The following ATG7 variants were observed in gnomAD, a reference collection of about 807,000 sequenced individuals.
ATG7 encodes autophagy related 7, also known as ubiquitin-like modifier-activating enzyme ATG7.
In ATG7, 70 loss-of-function variants were observed where a neutral mutation model predicts 82.4. The ratio of observed to expected loss-of-function variants is 0.85; its 90% CI spans 0.70 to 1.04. The LOEUF is 1.04. ATG7 is among the 50% of genes least tolerant of loss of function. The probability of loss-of-function intolerance (pLI) is 0.00; values close to 1 mark genes in which losing one functional copy is unlikely to be tolerated. For missense variants in ATG7, 792 were observed against 864.3 expected (o/e 0.92, Z 1.05); for synonymous variants, 287 against 313.0 (o/e 0.92, Z 0.88).
rs2077232662 is a variant in ATG7 at position 11,374,323 on chromosome 3, T to A, written c.1876-5649T>A. ...ACCCTTAATGGCCAACCAATACAGT[T>A]CAATTGGGAAAGAATGCCGTTTTCA... On this transcript the variant is annotated intron_variant, in intron 18 of 20. Coordinates refer to ENST00000693202, the MANE Select transcript of ATG7 (RefSeq NM_001349232.2). 1.3e-5 allele frequency among the ~76,000 whole-genome samples: 2 copies of A among 152,202 alleles called. 1 individual carries two copies. The highest frequency in any genetic ancestry group is 4.1e-4 in the South Asian group (2 of 4,832).
chr3:11,311,038 C>G (rs1310989502), intron 7 of ATG7, among the ~76,000 whole-genome samples: 13 of 152,154 alleles, frequency 8.5e-5, no homozygotes, highest in Non-Finnish European at 1.9e-4. Context: ...GTAGAACATG[C>G]TGACAGTTTG....
rs1343520513 is a variant in ATG7, at chr3:11,517,707, C to T, written c.2080-37104C>T. Among the ~76,000 whole-genome samples, 13 of 152,354 alleles carry T rather than the reference C, an allele frequency of 8.5e-5. No homozygotes were observed. In the South Asian group the frequency reaches 2.7e-3, roughly 32 times the overall value. ...GAGAATGAGGGAAGAACATTCCAAG[C>T]CACAGAAATGGCACATGGAAGAGAG... On this transcript the variant is annotated intron_variant, in intron 20 of 20. Coordinates refer to ENST00000693202, the MANE Select transcript of ATG7 (RefSeq NM_001349232.2).
intron 20 of ATG7, among the ~76,000 whole-genome samples, chr3:11,501,538 A>ATGAGATTGCAT: frequency 5.6e-5 from 1 of 17,786 alleles, no homozygotes; most frequent in African/African-American, 2.1e-4. Flanking sequence ...TTAATAGATA[A>ATGAGATTGCAT]TGATATTAAT....
chr3:11,445,916 A>G (rs1052607615), intron 20 of ATG7, among the ~76,000 whole-genome samples: 83 of 152,102 alleles, frequency 5.5e-4, no homozygotes, highest in African/African-American at 1.9e-3. Context: ...TCTTATGTAT[A>G]TTACTTATTT....
At chr3:11,305,816 C>T (rs1947627016) in intron 5 of ATG7, among the ~76,000 whole-genome samples, 1 of 152,170 alleles carries the variant, frequency 6.6e-6, no homozygotes, top group Non-Finnish European at 1.5e-5. Flanking sequence ...CATACCTGTT[C>T]TAGGTTTAGA....
chr3:11,303,501 C>G (rs1271605568), intron 5 of ATG7, among the ~76,000 whole-genome samples: 1 of 151,574 alleles, frequency 6.6e-6, no homozygotes, highest in Non-Finnish European at 1.5e-5. Flanking sequence ...AACCCCGTCT[C>G]TACTAAAAAC....
intron 1 of ATG7, among the ~76,000 whole-genome samples, chr3:11,279,082 C>T (rs1288131651): frequency 6.6e-6 from 1 of 152,202 alleles, no homozygotes; most frequent in African/African-American, 2.4e-5. Context: ...CACTCCCTAC[C>T]TCTAGCCTCC....
intron 12 of ATG7, 117 bp downstream of exon 12, chr3:11,340,852 C>A: frequency 1.3e-6 from 1 of 799,120 alleles, no homozygotes; most frequent in Non-Finnish European, 2.0e-6. Context: ...AGTCATGCTG[C>A]CGTGTGTTAC....
the ATG7 span, among the ~76,000 whole-genome samples, chr3:11,574,265 C>G: frequency 1.3e-5 from 2 of 152,204 alleles, no homozygotes; most frequent in African/African-American, 4.8e-5. Flanking sequence ...ACCCATGTTT[C>G]TTCTGCTTTA....
intron 20 of ATG7, among the ~76,000 whole-genome samples, chr3:11,437,938 T>G (rs999415346): frequency 1.3e-5 from 2 of 152,218 alleles, no homozygotes; most frequent in Non-Finnish European, 2.9e-5. Flanking sequence ...TGTCCGAATT[T>G]TCCCAGAAAT....
intron 20 of ATG7, among the ~76,000 whole-genome samples, chr3:11,434,332 T>G (rs2083177745): frequency 6.6e-6 from 1 of 152,214 alleles, no homozygotes; most frequent in Admixed American, 6.5e-5. Flanking sequence ...CAGACCTGTT[T>G]CCAATGGAGA....
intron 20 of ATG7, among the ~76,000 whole-genome samples, chr3:11,440,841 G>A (rs2083870301): frequency 6.6e-6 from 1 of 151,602 alleles, no homozygotes; most frequent in Admixed American, 6.6e-5. Flanking sequence ...CTGCTACCAT[G>A]CCTGGCTAGT....
At chr3:11,569,060 TC>T in the ATG7 span, 1 of 470,008 alleles carries the variant, frequency 2.1e-6, no homozygotes, top group Non-Finnish European at 2.8e-6. Context: ...ACCAAGAATG[TC>T]CATAACATCT....
At chr3:11,419,915 A>G (rs1025341003) in intron 19 of ATG7, among the ~76,000 whole-genome samples, 36 of 152,188 alleles carry the variant, frequency 2.4e-4, no homozygotes, top group African/African-American at 8.7e-4. Flanking sequence ...AGTCATTATT[A>G]CTTCTCTATT....
intron 14 of ATG7, among the ~76,000 whole-genome samples, chr3:11,351,509 G>A (rs1324037215): frequency 6.6e-6 from 1 of 152,202 alleles, no homozygotes. Context: ...AGAAGATGAG[G>A]AGGAAGAGAA....
chr3:11,326,444 GC>G (rs1244070054), intron 9 of ATG7, among the ~76,000 whole-genome samples: 1 of 152,054 alleles, frequency 6.6e-6, no homozygotes, highest in Non-Finnish European at 1.5e-5. Flanking sequence ...GACTACAGGT[GC>G]CCGCCATCAT....
chr3:11,559,343 C>T (rs1467909803), downstream of ATG7: 2 of 1,546,010 alleles, frequency 1.3e-6, no homozygotes, highest in African/African-American at 2.7e-5. Context: ...GCTCGGTGGC[C>T]TCCGGTAGCT....
rs142583369 is a variant in ATG7, at chr3:11,394,983, T to C, written c.1956+14931T>C. 6.6e-3 allele frequency among the ~76,000 whole-genome samples: 1,003 copies of C among 152,280 alleles called. 9 individuals carry two copies. Among genetic ancestry groups the C allele is most frequent in the African/African-American group, 0.023 (969 of 41,558 alleles). ...ACAGAGATTCTAGATATTGTACTTA[T>C]TAGACATACACTATGAAATACTATT... is the stretch of plus-strand genomic sequence containing the variant. On this transcript the variant is annotated intron_variant, in intron 19 of 20. Coordinates refer to ENST00000693202, the MANE Select transcript of ATG7 (RefSeq NM_001349232.2).
At chr3:11,499,024 G>GA (rs1157150092) in intron 20 of ATG7, among the ~76,000 whole-genome samples, 3 of 151,952 alleles carry the variant, frequency 2.0e-5, no homozygotes, top group South Asian at 2.1e-4. Context: ...GCCCTAAAAA[G>GA]AAAAAACAGT....
Sources: allele counts gnomAD v4.1 joint callset (sites outside exome capture counted in the v4.1 genomes callset), GRCh38; gene constraint gnomAD v4.1.1; transcripts MANE v1.5; gene names NCBI Gene and HGNC (gene_info 2026-07-23, HGNC 2026-07-21).